ITCH: variants seen among roughly 807,000 people sequenced by gnomAD.
ITCH encodes the protein E3 ubiquitin-protein ligase Itchy homolog.
In ITCH, 28 loss-of-function variants were observed where a neutral mutation model predicts 126.8. The observed-to-expected ratio is 0.22, with a 90% CI of 0.16 to 0.30. ITCH has a LOEUF of 0.30. Among genes scored for constraint, ITCH ranks in the 10% least tolerant of loss-of-function variants. The pLI, the probability that ITCH is intolerant of heterozygous loss-of-function variation, is 1.00. For synonymous variants in ITCH, 342 were observed against 340.0 expected (o/e 1.01, Z -0.06); for missense variants, 631 against 1,032.4 (o/e 0.61, Z 5.33).
At chr20:34,444,873 C>T (rs1271925136) in intron 10 of ITCH, among the ~76,000 whole-genome samples, 1 of 152,206 alleles carries the variant, frequency 6.6e-6, no homozygotes, top group Non-Finnish European at 1.5e-5. Context: ...AACTACTGAC[C>T]TCAAGTGATC....
chr20:34,492,552 A>G lies in ITCH; in HGVS notation c.2371A>G (p.Thr791Ala). The G allele has an allele frequency of 6.2e-7, 1 of 1,613,446 alleles. No individual in the cohort carries two copies. The highest frequency in any genetic ancestry group is 8.5e-7 in the Non-Finnish European group (1 of 1,179,370). The stretch of plus-strand genomic sequence containing the variant: ...GAGAATGAGACTTCTGCAGTTTGTT[A>G]CTGGAACCTGCCGATTGCCAGTAGG... ...EKRMRLLQFVTGTCRLPVGGF... is the reference protein window; with the variant it reads ...EKRMRLLQFVAGTCRLPVGGF... Residue 791 changes from threonine (T) to alanine (A), a missense_variant, in exon 23 of 25, where the codon ACT (threonine) becomes GCT (alanine). Transcript: ENST00000374864.
rs199896593 is a variant in ITCH at position 34,466,411 on chromosome 20, G to T, written c.1425-3637G>T. The T allele has an allele frequency of 2.3e-5, 12 of 530,140 alleles. No individual in the cohort carries two copies. The East Asian group carries it at 6.6e-4, about 29-fold the overall frequency. The allele number at this position is 530,140 out of a possible 1,614,324, so 32.8% of individuals were successfully genotyped here. A position where few individuals can be genotyped will look rare whatever the true frequency, so the allele number is the denominator to read the frequency against. ...GTGTGGCTTTCTTAGAGCAAAGATGGTTCCCTATTACTTTCTAATTTTATA... is the reference window on the plus strand; with the variant it reads ...GTGTGGCTTTCTTAGAGCAAAGATGTTTCCCTATTACTTTCTAATTTTATA... On this transcript the variant is annotated intron_variant, in intron 14 of 24. Transcript: ENST00000374864.
intron 14 of ITCH, chr20:34,466,451 C>T (rs1332769121): frequency 2.0e-6 from 1 of 492,858 alleles, no homozygotes; most frequent in South Asian, 1.6e-5. Context: ...TACACATTAA[C>T]AACTTTTATA....
In ITCH at chr20:34,453,852, G is replaced by A. The variant is rs368075648; in HGVS notation, c.1211-3538G>A. 2.3e-3 allele frequency among the ~76,000 whole-genome samples: 348 copies of A among 151,732 alleles called. 1 individual carries two copies. The highest frequency in any genetic ancestry group is 7.9e-3 in the African/African-American group (328 of 41,408). ...CCACAAAAAATACAAAAATTAGCTG[G>A]GAGTGGTGGTGGACGTCTGTAGTAC... is the stretch of plus-strand genomic sequence containing the variant. On this transcript the variant is annotated intron_variant, in intron 12 of 24. Coordinates refer to ENST00000374864, the MANE Select transcript of ITCH (RefSeq NM_031483.7).
chr20:34,470,249 C>T (rs1330962176), intron 15 of ITCH, 129 bp downstream of exon 15: 1 of 802,998 alleles, frequency 1.2e-6, no homozygotes, highest in Non-Finnish European at 2.2e-6. Context: ...TCTCTTTCAT[C>T]TATTTTTAGA....
Position 34,477,865 on chromosome 20 carries a change from T to G in ITCH, c.1658+5T>G. On this transcript the variant is annotated splice_donor_5th_base_variant and intron_variant, in intron 17 of 24. Coordinates refer to ENST00000374864, the MANE Select transcript of ITCH (RefSeq NM_031483.7). Reference sequence around the variant, plus strand: ...AGATTATGGAGGTGTAGCAAGGTAGTGATAATATGAATACTCAGAACTTAG... The same window carrying G: ...AGATTATGGAGGTGTAGCAAGGTAGGGATAATATGAATACTCAGAACTTAG... The G allele has an allele frequency of 1.2e-6, 2 of 1,613,288 alleles. No individual in the cohort carries two copies. Among genetic ancestry groups the G allele is most frequent in the South Asian group, 2.2e-5 (2 of 91,034 alleles).
intron 7 of ITCH, among the ~76,000 whole-genome samples, chr20:34,426,138 G>A (rs1448564243): frequency 1.3e-5 from 2 of 152,252 alleles, no homozygotes; most frequent in Non-Finnish European, 2.9e-5. Context: ...ACCACAGAGT[G>A]CAGTGATTAT....
intron 7 of ITCH, among the ~76,000 whole-genome samples, chr20:34,435,205 G>C (rs912985294): frequency 1.3e-5 from 2 of 149,906 alleles, no homozygotes; most frequent in African/African-American, 4.9e-5. Flanking sequence ...GTCTTGCTCT[G>C]TTGCCCAGGC....
intron 3 of ITCH, among the ~76,000 whole-genome samples, chr20:34,397,863 T>C (rs1412421888): frequency 6.6e-6 from 1 of 152,166 alleles, no homozygotes; most frequent in African/African-American, 2.4e-5. Context: ...TTCTGTACTT[T>C]TTCAGATTAC....
intron 3 of ITCH, among the ~76,000 whole-genome samples, chr20:34,407,316 G>T (rs551565440): frequency 6.6e-6 from 1 of 152,140 alleles, no homozygotes; most frequent in East Asian, 1.9e-4. Context: ...GCCCAGGCTG[G>T]AGTGCAGTGG....
intron 3 of ITCH, among the ~76,000 whole-genome samples, chr20:34,401,875 T>A (rs1284511126): frequency 6.6e-6 from 1 of 152,030 alleles, no homozygotes; most frequent in East Asian, 1.9e-4. Flanking sequence ...TAAAAATACA[T>A]ATATATATCT....
At chr20:34,402,909 A>G (rs2038935974) in intron 3 of ITCH, among the ~76,000 whole-genome samples, 1 of 152,210 alleles carries the variant, frequency 6.6e-6, no homozygotes, top group African/African-American at 2.4e-5. Flanking sequence ...GATTTTAGTT[A>G]TTATTAATCG....
intron 2 of ITCH, among the ~76,000 whole-genome samples, chr20:34,379,942 G>A (rs2037994995): frequency 8.1e-6 from 1 of 122,832 alleles, no homozygotes; most frequent in Admixed American, 1.2e-4. Context: ...CTGTCACCAA[G>A]CTGGAATGCA....
At chr20:34,379,158 T>C (rs1365056869) in intron 2 of ITCH, among the ~76,000 whole-genome samples, 1 of 152,180 alleles carries the variant, frequency 6.6e-6, no homozygotes, top group Non-Finnish European at 1.5e-5. Flanking sequence ...TTGGGGTTTA[T>C]GTTTTTTTAT....
At chr20:34,398,047 G>A (rs189800567) in intron 3 of ITCH, among the ~76,000 whole-genome samples, 3 of 147,024 alleles carry the variant, frequency 2.0e-5, no homozygotes, top group Non-Finnish European at 4.5e-5. Context: ...TCAAAAAGTC[G>A]TAATCCATAG....
intron 5 of ITCH, 117 bp downstream of exon 5, chr20:34,412,756 T>TA (rs1174190769): frequency 5.9e-6 from 5 of 844,810 alleles, no homozygotes; most frequent in Non-Finnish European, 9.5e-6. Context: ...TTTACTTGGT[T>TA]ATAGGATGAA....
intron 2 of ITCH, among the ~76,000 whole-genome samples, chr20:34,392,442 A>G (rs545951200): frequency 6.6e-6 from 1 of 152,358 alleles, no homozygotes; most frequent in African/African-American, 2.4e-5. Flanking sequence ...GCATTTTTGT[A>G]TGTAAGCACA....
intron 23 of ITCH, among the ~76,000 whole-genome samples, chr20:34,495,602 A>C (rs73103151): frequency 0.019 from 2,838 of 152,214 alleles, 46 homozygotes; most frequent in Non-Finnish European, 0.03. Context: ...ATGTTGTCAT[A>C]AATGACAGAA....
At chr20:34,456,660 G>A (rs1393874546) in intron 12 of ITCH, among the ~76,000 whole-genome samples, 3 of 143,990 alleles carry the variant, frequency 2.1e-5, no homozygotes, top group East Asian at 2.0e-4. Context: ...ATATATATAT[G>A]TGTGTGTGTG....
Sources: gnomAD v4.1 joint callset for allele counts (sites outside exome capture counted in the v4.1 genomes callset) on GRCh38, gnomAD v4.1.1 for gene constraint, MANE v1.5 for transcripts, NCBI Gene and HGNC (gene_info 2026-07-23, HGNC 2026-07-21) for gene names.